NBN: variants seen among roughly 807,000 people sequenced by gnomAD.
The protein encoded by NBN is nibrin, also known as Nijmegen breakage syndrome 1 (nibrin).
A neutral mutation model predicts 90.8 loss-of-function variants in NBN; 88 were observed. The ratio of observed to expected loss-of-function variants is 0.97; its 90% CI spans 0.82 to 1.16. The LOEUF (loss-of-function observed/expected upper bound fraction) is 1.16. Among genes scored for constraint, NBN ranks in the 50% most tolerant of loss-of-function variants. The pLI, the probability that NBN is intolerant of heterozygous loss-of-function variation, is 0.00. For missense variants in NBN, 894 were observed against 869.6 expected (o/e 1.03, Z -0.35); for synonymous variants, 328 against 295.1 (o/e 1.11, Z -1.14).
intron 14 of NBN, among the ~76,000 whole-genome samples, chr8:89,939,458 A>C (rs775441514): frequency 7.9e-5 from 12 of 152,330 alleles, no homozygotes; most frequent in Non-Finnish European, 1.6e-4. Flanking sequence ...AATAGAAAAA[A>C]GTCAGCAGCT....
rs771196279 is a variant in NBN at position 89,984,513 on chromosome 8, T to G, written c.37+12A>C. Reference sequence around the variant, plus strand: ...GGGAAAATAGGCCCCGAGGCTTCCCTTCTGCCCTTACCTCCTGCCGGGCCC... The same window carrying G: ...GGGAAAATAGGCCCCGAGGCTTCCCGTCTGCCCTTACCTCCTGCCGGGCCC... On this transcript the variant is annotated intron_variant, in intron 1 of 15. Coordinates refer to ENST00000265433, the MANE Select transcript of NBN (RefSeq NM_002485.5). 2 of 1,611,928 alleles carry G rather than the reference T, an allele frequency of 1.2e-6. No homozygotes were observed. The highest frequency in any genetic ancestry group is 1.7e-6 in the Non-Finnish European group (2 of 1,178,536).
Position 89,933,674 on chromosome 8 carries a change from G to C in NBN, c.*1908C>G. 4.3e-6 allele frequency: 1 copy of C among 232,110 alleles called. No individual in the cohort carries two copies. The highest frequency in any genetic ancestry group is 6.1e-5 in the East Asian group (1 of 16,346). The allele number at this position is 232,110 out of a possible 1,614,324, so 14.4% of individuals were successfully genotyped here. On this transcript the variant is annotated 3_prime_UTR_variant, in exon 16 of 16. Coordinates refer to ENST00000265433, the MANE Select transcript of NBN (RefSeq NM_002485.5). ...AAAAATATAAAGTTTATATAATAGAGCAGAATATCTGAAATCTTGGGGTTA... is the reference window on the plus strand; with the variant it reads ...AAAAATATAAAGTTTATATAATAGACCAGAATATCTGAAATCTTGGGGTTA...
At chr8:89,951,689 T>C (rs1449913168) in intron 11 of NBN, among the ~76,000 whole-genome samples, 1 of 152,182 alleles carries the variant, frequency 6.6e-6, no homozygotes, top group Non-Finnish European at 1.5e-5. Flanking sequence ...AAGTGACTTA[T>C]AGAACATACA....
chr8:89,952,901 A>G (rs13312931), intron 11 of NBN, among the ~76,000 whole-genome samples: 3,423 of 152,278 alleles, frequency 0.022, 126 homozygotes, highest in African/African-American at 0.077. Context: ...TATTGAGTAG[A>G]TACTTTGTTT....
rs557301664 is a variant in NBN at position 89,954,313 on chromosome 8, A to G, written c.1398-622T>C. On this transcript the variant is annotated intron_variant, in intron 10 of 15. Coordinates refer to ENST00000265433, the MANE Select transcript of NBN (RefSeq NM_002485.5). Reference sequence around the variant, plus strand: ...GAGTTTATTGGATTCATGTTGAACAAGAACAGTCAACCCAATGTTCTATTA... The same window carrying G: ...GAGTTTATTGGATTCATGTTGAACAGGAACAGTCAACCCAATGTTCTATTA... Among the ~76,000 whole-genome samples the G allele has an allele frequency of 1.2e-3, 180 of 152,290 alleles. 1 individual carries two copies. Among genetic ancestry groups the G allele is most frequent in the African/African-American group, 4.2e-3 (174 of 41,582 alleles).
rs2129701945 is a variant in NBN at position 89,953,571 on chromosome 8, C to T, written c.1518G>A (p.Gln506=). 2 of 1,613,708 alleles carry T rather than the reference C, an allele frequency of 1.2e-6. No individual in the cohort carries two copies. The highest frequency in any genetic ancestry group is 1.1e-5 in the South Asian group (1 of 91,064). The change falls in exon 11 of 16, where the codon CAG becomes CAA. Residue 506 remains glutamine, a synonymous_variant. Coordinates refer to ENST00000265433, the MANE Select transcript of NBN (RefSeq NM_002485.5). ...CCACAGGCTCATTCTCAGATAGATG[C>T]TGCTCCTTATTTTTCCACAATGAGG... is the stretch of plus-strand genomic sequence containing the variant. The part of the protein sequence containing the change: ...ATPSLWKNKE[Q]HLSENEPVDT...
intron 12 of NBN, chr8:89,946,520 A>G (rs534692858): frequency 7.7e-5 from 37 of 480,274 alleles, no homozygotes; most frequent in African/African-American, 7.0e-4. Flanking sequence ...TTTATAACAT[A>G]CTCATCTGTG....
At chr8:89,950,452 T>G (rs1284495335) in intron 11 of NBN, among the ~76,000 whole-genome samples, 1 of 67,966 alleles carries the variant, frequency 1.5e-5, no homozygotes, top group African/African-American at 5.1e-5. Flanking sequence ...ACAGACGCAT[T>G]TTTTTTTTCC....
chr8:89,974,995 CCTCCTTT>C (rs1358897735), intron 5 of NBN, among the ~76,000 whole-genome samples: 2 of 152,164 alleles, frequency 1.3e-5, no homozygotes, highest in Non-Finnish European at 2.9e-5. Flanking sequence ...GCCAACTCCC[CCTCCTTT>C]CTGGGGGATA....
At position 89,964,518 on chromosome 8, in the gene NBN, A is replaced by G; in HGVS notation, c.897-11T>C. The G allele has an allele frequency of 6.3e-7, 1 of 1,576,548 alleles. No individual in the cohort carries two copies. The highest frequency in any genetic ancestry group is 8.7e-7 in the Non-Finnish European group (1 of 1,146,270). On this transcript the variant is annotated splice_polypyrimidine_tract_variant and intron_variant, in intron 7 of 15. Coordinates refer to ENST00000265433, the MANE Select transcript of NBN (RefSeq NM_002485.5). Reference sequence around the variant, plus strand: ...GGTCTAAGACCTTGCCTATTAGAATAAAATAGTTTAAGTATGATAATATAT... The same window carrying G: ...GGTCTAAGACCTTGCCTATTAGAATGAAATAGTTTAAGTATGATAATATAT...
At chr8:89,936,975 A>G (rs1809715547) in intron 15 of NBN, 51 bp downstream of exon 15, 1 of 1,444,348 alleles carries the variant, frequency 6.9e-7, no homozygotes, top group Admixed American at 1.7e-5. Context: ...ACAGAACTAA[A>G]TTTTATATAC....
Position 89,958,860 on chromosome 8 carries a change from A to T in NBN, c.995-6T>A, listed in dbSNP as rs1810859804. On this transcript the variant is annotated splice_polypyrimidine_tract_variant and splice_region_variant and intron_variant, in intron 8 of 15. Coordinates refer to ENST00000265433, the MANE Select transcript of NBN (RefSeq NM_002485.5). ...TGGAGTTGTTGTCTTTAATCCTGTA[A>T]ATCACACAAGTAGAAAGAAAGAATC... 6.2e-7 allele frequency: 1 copy of T among 1,613,506 alleles called. No homozygotes were observed. Among genetic ancestry groups the T allele is most frequent in the Non-Finnish European group, 8.5e-7 (1 of 1,179,516 alleles).
chr8:89,959,385 T>C (rs1332084359), intron 8 of NBN, among the ~76,000 whole-genome samples: 1 of 152,250 alleles, frequency 6.6e-6, no homozygotes, highest in East Asian at 1.9e-4. Context: ...TCTTCTGGAA[T>C]ACTTTTTTTG....
Position 89,958,773 on chromosome 8 carries a change from T to C in NBN, c.1076A>G (p.Asn359Ser), listed in dbSNP as rs768886664. 2 of 1,614,122 alleles carry C rather than the reference T, an allele frequency of 1.2e-6. No individual in the cohort carries two copies. The highest frequency in any genetic ancestry group is 1.7e-6 in the Non-Finnish European group (2 of 1,179,982). The change falls in exon 9 of 16, where the codon AAC (asparagine) becomes AGC (serine). Residue 359 changes from asparagine (N) to serine (S), a missense_variant. Coordinates refer to ENST00000265433, the MANE Select transcript of NBN (RefSeq NM_002485.5). ...TGTGTCAGCTACGTATGTTGTAGTG[T>C]TCACTGGGGCGCTTGGCATTAGTTT... ...DEKLMPSAPV[N>S]TTTYVADTES...
intron 9 of NBN, among the ~76,000 whole-genome samples, chr8:89,958,226 C>T (rs13312905): frequency 0.028 from 4,325 of 152,204 alleles, 184 homozygotes; most frequent in African/African-American, 0.096. Flanking sequence ...CTAGCTTGCC[C>T]GCTGATCACC....
At position 89,935,476 on chromosome 8, in the gene NBN, T is replaced by C. The variant is rs1383584759; in HGVS notation, c.*106A>G. 2 of 1,331,286 alleles carry C rather than the reference T, an allele frequency of 1.5e-6. No homozygotes were observed. Among genetic ancestry groups the C allele is most frequent in the African/African-American group, 2.9e-5 (2 of 69,214 alleles). 82.5% of individuals were successfully genotyped at this position (1,331,286 alleles called of 1,614,324 possible). A position where few individuals can be genotyped will look rare whatever the true frequency, so the allele number is the denominator to read the frequency against. ...TTTAATAAATTTAGGCCATAAAACA[T>C]TGTAACTTAAATCGCTTCTATACAC... On this transcript the variant is annotated 3_prime_UTR_variant, in exon 16 of 16. Transcript: ENST00000265433.
chr8:89,977,954 C>T (rs1811845584), intron 5 of NBN, among the ~76,000 whole-genome samples: 1 of 152,180 alleles, frequency 6.6e-6, no homozygotes, highest in Non-Finnish European at 1.5e-5. Flanking sequence ...CATGAGGTTA[C>T]CTCAGTGCCA....
intron 8 of NBN, among the ~76,000 whole-genome samples, chr8:89,960,617 C>T (rs1290442457): frequency 2.6e-5 from 4 of 152,216 alleles, no homozygotes; most frequent in South Asian, 2.1e-4. Context: ...TGCCACTGTA[C>T]TCCAGCCTGG....
rs574171178 is a variant in NBN, at chr8:89,981,989, A to G, written c.172-466T>C. On this transcript the variant is annotated intron_variant, in intron 2 of 15. Coordinates refer to ENST00000265433, the MANE Select transcript of NBN (RefSeq NM_002485.5). ...TACTTTTTCTGTAGAAATTTCCAAA[A>G]TGTTTTTCTATACCTAAAAGAACAG... is the stretch of plus-strand genomic sequence containing the variant. 77 of 1,200,908 alleles carry G rather than the reference A, an allele frequency of 6.4e-5. No individual in the cohort carries two copies. In the Admixed American group the frequency reaches 1.3e-3, roughly 20 times the overall value. The allele number at this position is 1,200,908 out of a possible 1,614,324, so 74.4% of individuals were successfully genotyped here.
Sources: allele counts gnomAD v4.1 joint callset (sites outside exome capture counted in the v4.1 genomes callset), GRCh38; gene constraint gnomAD v4.1.1; transcripts MANE v1.5; gene names NCBI Gene and HGNC (gene_info 2026-07-23, HGNC 2026-07-21).